The following LONP1 variants were observed in gnomAD, a reference collection of about 807,000 sequenced individuals.
The protein encoded by LONP1 is lon peptidase 1, mitochondrial, also known as lon protease homolog, mitochondrial.
In LONP1, 31 loss-of-function variants were observed where a neutral mutation model predicts 98.5. The observed-to-expected ratio is 0.31, with a 90% CI of 0.24 to 0.42. LONP1 has a LOEUF of 0.42. Among genes scored for constraint, LONP1 ranks in the 20% least tolerant of loss-of-function variants. The pLI, the probability that LONP1 is intolerant of heterozygous loss-of-function variation, is 1.00. For synonymous variants in LONP1, 781 were observed against 594.7 expected, an observed-to-expected ratio of 1.31 and a Z score of -4.56; for missense variants, 1,336 against 1,350.6, an observed-to-expected ratio of 0.99 and a Z score of 0.17.
Position 5,720,106 on chromosome 19 carries a change from T to C in LONP1, c.27A>G (p.Arg9=), listed in dbSNP as rs2145646330. Residue 9 remains arginine (R), a synonymous_variant, in exon 1 of 18, where the codon CGA becomes CGG. Coordinates refer to ENST00000360614, the MANE Select transcript of LONP1 (RefSeq NM_004793.4). MAASTGYV[R]LWGAARCWVL... ...CCCAGCACCGCGCCGCTCCCCACAG[T>C]CGCACGTAGCCAGTGCTCGCCGCCA... 1.4e-6 allele frequency: 2 copies of C among 1,466,842 alleles called. No individual in the cohort carries two copies. The highest frequency in any genetic ancestry group is 2.7e-5 in the South Asian group (2 of 74,778). The allele number at this position is 1,466,842 out of a possible 1,614,324, so 90.9% of individuals were successfully genotyped here.
intron 10 of LONP1, among the ~76,000 whole-genome samples, chr19:5,697,647 A>G (rs867659324): frequency 2.7e-5 from 4 of 150,912 alleles, no homozygotes; most frequent in Middle Eastern, 3.2e-3. Context: ...TGCAGTGAGA[A>G]CTTGGGCTTT....
intron 10 of LONP1, among the ~76,000 whole-genome samples, chr19:5,697,085 C>T (rs571055793): frequency 2.2e-4 from 33 of 152,272 alleles, no homozygotes; most frequent in African/African-American, 6.0e-4. Context: ...ACGCCAGGCA[C>T]GCCTCAGCCC....
chr19:5,701,621 G>A (rs1030136339), intron 8 of LONP1, among the ~76,000 whole-genome samples: 5 of 152,202 alleles, frequency 3.3e-5, no homozygotes, highest in African/African-American at 1.2e-4. Context: ...ACGGAGTCTC[G>A]TTCACTCAGT....
At chr19:5,710,228 G>C (rs1320744436) in intron 4 of LONP1, among the ~76,000 whole-genome samples, 2 of 151,662 alleles carry the variant, frequency 1.3e-5, no homozygotes, top group Admixed American at 6.6e-5. Flanking sequence ...GGGATTACAG[G>C]CATAAGCCAC....
intron 7 of LONP1, among the ~76,000 whole-genome samples, chr19:5,706,233 C>A (rs977093714): frequency 1.3e-5 from 2 of 151,678 alleles, no homozygotes; most frequent in Non-Finnish European, 2.9e-5. Context: ...ACCTCCTGGG[C>A]TCAAGCGATC....
Position 5,694,820 on chromosome 19 carries a change from G to T in LONP1, c.2095C>A (p.Leu699Ile), listed in dbSNP as rs1354132220. The T allele has an allele frequency of 6.2e-7, 1 of 1,600,878 alleles. No homozygotes were observed. Among genetic ancestry groups the T allele is most frequent in the Non-Finnish European group, 8.5e-7 (1 of 1,170,060 alleles). The stretch of plus-strand genomic sequence containing the variant: ...CTCTCGCGGCAGTACTGCTTGATGA[G>T]CAGCGTCAGCACGTCCGATGACAGC... ...AKLSSDVLTL[L>I]IKQYCRESGV... The change falls in exon 14 of 18, where the codon CTC becomes ATC. Residue 699 changes from leucine (L) to isoleucine (I), a missense_variant. By Grantham distance (5) the Leu-to-Ile change is conservative. Coordinates refer to ENST00000360614, the MANE Select transcript of LONP1 (RefSeq NM_004793.4).
intron 1 of LONP1, among the ~76,000 whole-genome samples, chr19:5,718,471 T>C (rs2055359988): frequency 7.1e-6 from 1 of 141,730 alleles, no homozygotes; most frequent in Admixed American, 7.2e-5. Flanking sequence ...GAGTGCAACT[T>C]GGTCTCAAAA....
At chr19:5,702,327 G>C (rs1461769998) in intron 8 of LONP1, among the ~76,000 whole-genome samples, 3 of 140,172 alleles carry the variant, frequency 2.1e-5, no homozygotes, top group Admixed American at 7.2e-5. Context: ...CCCCCGCCCA[G>C]CCAGCCGCCC....
Position 5,700,815 on chromosome 19 carries a change from T to G in LONP1, c.1480A>C (p.Met494Leu), listed in dbSNP as rs202140012. 105 of 1,614,166 alleles carry G rather than the reference T, an allele frequency of 6.5e-5. No homozygotes were observed. The Admixed American group carries it at 1.6e-3, about 24-fold the overall frequency. The stretch of plus-strand genomic sequence containing the variant: ...AGGATGCGTTTCTTGACGTCCTCCA[T>G]GCCGTAGTGGTCTTCCTCCAGCACT... ...QAVLEEDHYGMEDVKKRILEF... is the reference protein window; with the variant it reads ...QAVLEEDHYGLEDVKKRILEF... The change falls in exon 9 of 18, where the codon ATG becomes CTG. Residue 494 changes from methionine to leucine, a missense_variant. Physicochemically the swap from Met to Leu is conservative, Grantham distance 15. This residue lies in a region of LONP1 where 219 missense variants were observed against 241.0 expected (regional missense o/e 0.91). Coordinates refer to ENST00000360614, the MANE Select transcript of LONP1 (RefSeq NM_004793.4).
chr19:5,719,069 C>A (rs1183936905), intron 1 of LONP1, among the ~76,000 whole-genome samples: 1 of 152,108 alleles, frequency 6.6e-6, no homozygotes, highest in Non-Finnish European at 1.5e-5. Flanking sequence ...AGCTCCAAGG[C>A]AGATTTATTT....
intron 1 of LONP1, among the ~76,000 whole-genome samples, chr19:5,716,264 ATATATATAT>A (rs2055319302): frequency 3.6e-5 from 1 of 27,508 alleles, no homozygotes. Flanking sequence ...ATATACATAT[ATATATATAT>A]ATATATATAT....
chr19:5,715,439 C>G (rs188696234), intron 1 of LONP1, among the ~76,000 whole-genome samples: 1 of 149,556 alleles, frequency 6.7e-6, no homozygotes, highest in Non-Finnish European at 1.5e-5. Context: ...GTCAGGAGAT[C>G]GAGACCATCC....
intron 1 of LONP1, among the ~76,000 whole-genome samples, chr19:5,718,352 C>T (rs1053537380): frequency 6.6e-6 from 1 of 152,020 alleles, no homozygotes; most frequent in African/African-American, 2.4e-5. Flanking sequence ...GTGGCGGGCG[C>T]CTGTAATCCC....
chr19:5,718,014 T>C (rs2055349044), intron 1 of LONP1, among the ~76,000 whole-genome samples: 1 of 149,122 alleles, frequency 6.7e-6, no homozygotes, highest in Non-Finnish European at 1.5e-5. Context: ...CCAGCCCACA[T>C]GGCCTCATTT....
At chr19:5,706,388 C>T (rs1480426566) in intron 7 of LONP1, among the ~76,000 whole-genome samples, 2 of 152,166 alleles carry the variant, frequency 1.3e-5, no homozygotes, top group Non-Finnish European at 2.9e-5. Context: ...GCGGGCGGAT[C>T]ACTTGAGGCC....
chr19:5,707,730 G>A lies in LONP1; in HGVS notation c.1029C>T (p.Ser343=), dbSNP rs368055814. 1 of 1,613,318 alleles carries A rather than the reference G, an allele frequency of 6.2e-7. No individual in the cohort carries two copies. Among genetic ancestry groups the A allele is most frequent in the Non-Finnish European group, 8.5e-7 (1 of 1,179,842 alleles). Residue 343 remains serine (S), a synonymous_variant, in exon 6 of 18, where the codon TCC becomes TCT. Coordinates refer to ENST00000360614, the MANE Select transcript of LONP1 (RefSeq NM_004793.4). ...DMGAALTGAE[S]HELQDVLEET... is the part of the protein sequence containing the mutation. ...CTTCCAGGACGTCCTGCAGCTCATGGGACTCGGCCCCGGTGAGCGCGGCGC... is the reference window on the plus strand; with the variant it reads ...CTTCCAGGACGTCCTGCAGCTCATGAGACTCGGCCCCGGTGAGCGCGGCGC...
rs750237359 is a variant in LONP1 at position 5,692,129 on chromosome 19, GTGA to G, written c.2780_2782del (p.Ile927del). ...CACGAAGTGCACCTCCAGGCCCTCG[GTGA>G]TGAAGGCTGCCAGGTCGTAGAAGTC... On this transcript the variant is annotated inframe_deletion, in exon 18 of 18. Transcript: ENST00000360614. 5.6e-6 allele frequency: 9 copies of G among 1,614,178 alleles called. No homozygotes were observed. The highest frequency in any genetic ancestry group is 7.6e-6 in the Non-Finnish European group (9 of 1,180,018).
At position 5,693,734 on chromosome 19, in the gene LONP1, G is replaced by A. The variant is rs568896016; in HGVS notation, c.2356C>T (p.Arg786Trp). The A allele has an allele frequency of 1.9e-5, 30 of 1,613,978 alleles. No homozygotes were observed. In the East Asian group the frequency reaches 3.1e-4, roughly 17 times the overall value. Residue 786 changes from arginine (R) to tryptophan (W), a missense_variant, in exon 16 of 18, where the codon CGG becomes TGG. Arg to Trp is a moderately radical substitution (Grantham distance 101). Coordinates refer to ENST00000360614, the MANE Select transcript of LONP1 (RefSeq NM_004793.4). ...STLFVETSLRRPQDKDAKGDK... is the reference protein window; with the variant it reads ...STLFVETSLRWPQDKDAKGDK... ...CCCTTGGCATCCTTGTCCTGTGGCC[G>A]TCTCAGGGATGTCTCCACAAACAGC...
chr19:5,695,636 CAT>C (rs1022636410), intron 13 of LONP1, among the ~76,000 whole-genome samples: 11 of 152,304 alleles, frequency 7.2e-5, no homozygotes, highest in African/African-American at 2.4e-4. Context: ...AAAAAAAACA[CAT>C]GAGAAATATG....
Sources: allele counts gnomAD v4.1 joint callset (sites outside exome capture counted in the v4.1 genomes callset), GRCh38; gene constraint gnomAD v4.1.1; regional missense constraint gnomAD v4.1.1; transcripts MANE v1.5; gene names NCBI Gene and HGNC (gene_info 2026-07-23, HGNC 2026-07-21).